Variants in HERC2 observed in about 807,000 individuals in gnomAD.
The protein encoded by HERC2 is E3 ubiquitin-protein ligase HERC2.
Under a neutral mutation model 537.7 loss-of-function variants are expected in HERC2, and 102 were observed. The ratio of observed to expected loss-of-function variants is 0.19; its 90% CI spans 0.16 to 0.22. The LOEUF (loss-of-function observed/expected upper bound fraction) is 0.22, where lower values mean the gene tolerates loss of function less well. Ranked by LOEUF, HERC2 falls within the 10% of genes least tolerant of loss-of-function variation. The pLI, the probability that HERC2 is intolerant of heterozygous loss-of-function variation, is 1.00. For missense variants in HERC2, 4,236 were observed against 6,198.2 expected (o/e 0.68, Z 10.63); for synonymous variants, 2,224 against 2,466.2 (o/e 0.90, Z 2.91).
At chr15:28,150,347 AAC>A (rs1429837260) in intron 70 of HERC2, among the ~76,000 whole-genome samples, 1 of 151,620 alleles carries the variant, frequency 6.6e-6, no homozygotes, top group African/African-American at 2.4e-5. Flanking sequence ...CGCGGCTTCT[AAC>A]AGAGAACATC....
chr15:28,285,180 C>T (rs1250561570), intron 4 of HERC2, among the ~76,000 whole-genome samples: 1 of 152,076 alleles, frequency 6.6e-6, no homozygotes, highest in Non-Finnish European at 1.5e-5. Context: ...TTCAACATCA[C>T]CATCAATCAA....
chr15:28,277,362 G>A (rs1201498656), intron 5 of HERC2, among the ~76,000 whole-genome samples: 1 of 151,762 alleles, frequency 6.6e-6, no homozygotes, highest in Non-Finnish European at 1.5e-5. Context: ...TCGTTGTGAT[G>A]ACTGTGTCAC....
Position 28,168,389 on chromosome 15 carries a change from C to T in HERC2, c.10413+18G>A. ...CCTTTTCCTTTCTGATCTAACATTG[C>T]TTTAGATTCGCTTTTACCTCTCTCT... On this transcript the variant is annotated intron_variant, in intron 67 of 92. Transcript: ENST00000261609. 1.9e-6 allele frequency: 3 copies of T among 1,609,830 alleles called. No individual in the cohort carries two copies. Among genetic ancestry groups the T allele is most frequent in the South Asian group, 1.1e-5 (1 of 90,616 alleles).
rs1370681242 is a variant in HERC2 at position 28,152,794 on chromosome 15, A to G, written c.10783T>C (p.Leu3595=). 1 of 1,557,578 alleles carries G rather than the reference A, an allele frequency of 6.4e-7. No homozygotes were observed. Among genetic ancestry groups the G allele is most frequent in the Admixed American group, 1.9e-5 (1 of 52,206 alleles). The change falls in exon 70 of 93, where the codon TTG becomes CTG. Residue 3595 remains leucine (L), a synonymous_variant. Coordinates refer to ENST00000261609, the MANE Select transcript of HERC2 (RefSeq NM_004667.6). ...TGCGAGTCTGTGGCCACATCCTCCA[A>G]CTCGGTGACACAGAGCTCCAACAGC... The part of the protein sequence containing the change: ...DMLLELCVTE[L]EDVATDSQSG...
intron 8 of HERC2, 77 bp from the exon 9 acceptor site, chr15:28,272,463 A>C (rs2075761672): frequency 7.6e-7 from 1 of 1,322,256 alleles, no homozygotes; most frequent in African/African-American, 1.5e-5. Context: ...AATAAAAGCA[A>C]ATAGCTGGAT....
chr15:28,151,341 T>C (rs555352065), intron 70 of HERC2, among the ~76,000 whole-genome samples: 166 of 152,258 alleles, frequency 1.1e-3, no homozygotes, highest in African/African-American at 3.9e-3. Context: ...AGGTGGCATG[T>C]GTCTGTACTC....
intron 72 of HERC2, 143 bp from the exon 73 acceptor site, chr15:28,144,378 T>A (rs573257675): frequency 1.2e-6 from 1 of 828,114 alleles, no homozygotes; most frequent in Non-Finnish European, 1.9e-6. Context: ...CCACTGCGAG[T>A]CGGTGAGACT....
chr15:28,269,493 G>A, intron 10 of HERC2, 57 bp from the exon 11 acceptor site: 3 of 1,401,896 alleles, frequency 2.1e-6, no homozygotes, highest in South Asian at 2.4e-5. Context: ...AAAAAAGGCT[G>A]GGAGTAACAC....
intron 20 of HERC2, 118 bp downstream of exon 20, chr15:28,254,222 G>C: frequency 1.5e-6 from 1 of 652,014 alleles, no homozygotes; most frequent in Admixed American, 3.4e-5. Context: ...GGCGGAGCTT[G>C]CAGTGAGCCA....
rs1292133463 is a variant in HERC2, at chr15:28,191,871, T to C, written c.8451+90A>G. The C allele has an allele frequency of 2.5e-6, 3 of 1,193,384 alleles. No homozygotes were observed. In the East Asian group the frequency reaches 7.2e-5, roughly 29 times the overall value. The allele number at this position is 1,193,384 out of a possible 1,614,324, so 73.9% of individuals were successfully genotyped here. A position where few individuals can be genotyped will look rare whatever the true frequency, so the allele number is the denominator to read the frequency against. On this transcript the variant is annotated intron_variant, in intron 53 of 92. Transcript: ENST00000261609. ...TACTGACAGGTGCTATCAGCAAAAC[T>C]TTGCAGGCTGCTCAAAGTTCATTTT...
At chr15:28,126,405 T>C (rs552270713) in intron 83 of HERC2, among the ~76,000 whole-genome samples, 3 of 152,172 alleles carry the variant, frequency 2.0e-5, no homozygotes, top group Non-Finnish European at 4.4e-5. Flanking sequence ...AGAAAAGACG[T>C]CATTATTTGA....
rs1207689208 is a variant in HERC2, at chr15:28,122,456, G to C, written c.13189-1027C>G. Among the ~76,000 whole-genome samples, 1 of 152,192 alleles carries C rather than the reference G, an allele frequency of 6.6e-6. No individual in the cohort carries two copies. Among genetic ancestry groups the C allele is most frequent in the East Asian group, 1.9e-4 (1 of 5,186 alleles). Reference sequence around the variant, plus strand: ...TAAGAACTCCAAGCCCTGAAGGCAGGAGGTGAGGGCCCCAAGCGCCAGAGG... The same window carrying C: ...TAAGAACTCCAAGCCCTGAAGGCAGCAGGTGAGGGCCCCAAGCGCCAGAGG... On this transcript the variant is annotated intron_variant, in intron 85 of 92. Transcript: ENST00000261609. This position sits in a 1 kb window ranked among gnomAD's most constrained non-coding sequence, Gnocchi z 4.1.
In HERC2 at chr15:28,268,310, C is replaced by T. The variant is rs1261402121; in HGVS notation, c.1598+155G>A. Reference sequence around the variant, plus strand: ...CATGGGCAGAGCTCCTAAGCCATCACCAAGGAGGAGGCATATCGTAGTGTC... The same window carrying T: ...CATGGGCAGAGCTCCTAAGCCATCATCAAGGAGGAGGCATATCGTAGTGTC... On this transcript the variant is annotated intron_variant, in intron 12 of 92. Coordinates refer to ENST00000261609, the MANE Select transcript of HERC2 (RefSeq NM_004667.6). The surrounding 1 kb of genome is among the most constrained non-coding windows in gnomAD (Gnocchi z 4.7). Among the ~76,000 whole-genome samples the T allele has an allele frequency of 8.5e-5, 13 of 152,166 alleles. No homozygotes were observed. The South Asian group carries it at 2.3e-3, about 27-fold the overall frequency.
In HERC2 at chr15:28,255,730, C is replaced by T. The variant is rs1360902285; in HGVS notation, c.2871+142G>A. The stretch of plus-strand genomic sequence containing the variant: ...ATCTCAATAATTTTGTAAATTGGCA[C>T]ATAAAAGAATTTTAATTTAAAAAAT... On this transcript the variant is annotated intron_variant, in intron 19 of 92. Coordinates refer to ENST00000261609, the MANE Select transcript of HERC2 (RefSeq NM_004667.6). 1.2e-5 allele frequency: 11 copies of T among 899,130 alleles called. No homozygotes were observed. The East Asian group carries it at 2.7e-4, about 22-fold the overall frequency. The allele number at this position is 899,130 out of a possible 1,614,324, so 55.7% of individuals were successfully genotyped here.
intron 70 of HERC2, among the ~76,000 whole-genome samples, chr15:28,151,237 T>C (rs553271037): frequency 6.6e-6 from 1 of 152,246 alleles, no homozygotes; most frequent in Non-Finnish European, 1.5e-5. Flanking sequence ...AACCAGGATT[T>C]GATATGGAAG....
At chr15:28,210,915 T>C (rs1287395042) in intron 44 of HERC2, 87 bp downstream of exon 44, 3 of 1,066,366 alleles carry the variant, frequency 2.8e-6, no homozygotes, top group Non-Finnish European at 4.4e-6. Flanking sequence ...GCCACCTATG[T>C]CCATTTTTAT....
intron 83 of HERC2, among the ~76,000 whole-genome samples, chr15:28,125,492 A>T (rs1490701361): frequency 6.6e-6 from 1 of 152,172 alleles, no homozygotes; most frequent in Admixed American, 6.5e-5. Flanking sequence ...TAAGCCTCCA[A>T]CAGTGTTAGT....
At chr15:28,168,896 T>G (rs1249151101) in intron 66 of HERC2, among the ~76,000 whole-genome samples, 1 of 152,200 alleles carries the variant, frequency 6.6e-6, no homozygotes, top group African/African-American at 2.4e-5. Context: ...TGGGCTGCTG[T>G]GAGAGCCTGA....
At chr15:28,279,214 C>G (rs2075958677) in intron 5 of HERC2, among the ~76,000 whole-genome samples, 1 of 151,952 alleles carries the variant, frequency 6.6e-6, no homozygotes, top group Admixed American at 6.6e-5. Context: ...ATCTCCAACT[C>G]CCGACCTGAG....
Sources: allele counts gnomAD v4.1 joint callset (sites outside exome capture counted in the v4.1 genomes callset), GRCh38; gene constraint gnomAD v4.1.1; non-coding constraint Gnocchi (gnomAD v3.1); transcripts MANE v1.5; gene names NCBI Gene and HGNC (gene_info 2026-07-23, HGNC 2026-07-21).